Variants in PPP2R2B observed in about 807,000 individuals in gnomAD.
The protein encoded by PPP2R2B is protein phosphatase 2 regulatory subunit Bbeta.
PPP2R2B carries 5 observed loss-of-function variants against 46.0 expected under a neutral mutation model. The observed-to-expected ratio is 0.11, with a 90% CI of 0.06 to 0.23. The LOEUF is 0.23. PPP2R2B is among the 10% of genes least tolerant of loss of function. The pLI, the probability that PPP2R2B is intolerant of heterozygous loss-of-function variation, is 1.00. For synonymous variants in PPP2R2B, 215 were observed against 206.7 expected, an observed-to-expected ratio of 1.04 and a Z score of -0.34; for missense variants, 367 against 575.0, an observed-to-expected ratio of 0.64 and a Z score of 3.70.
At chr5:146,650,430 G>T in intron 6 of PPP2R2B, 117 bp downstream of exon 6, 1 of 912,012 alleles carries the variant, frequency 1.1e-6, no homozygotes. Context: ...TTTAAAAGGG[G>T]CAAGTTCTCC....
intron 2 of PPP2R2B, among the ~76,000 whole-genome samples, chr5:146,722,652 G>A (rs1452700801): frequency 1.3e-5 from 2 of 152,180 alleles, no homozygotes; most frequent in African/African-American, 2.4e-5. Context: ...TCAGAGAAAT[G>A]ACTGACAAGC....
intron 1 of PPP2R2B, among the ~76,000 whole-genome samples, chr5:146,967,232 C>A (rs62377576): frequency 0.026 from 3,946 of 152,236 alleles, 86 homozygotes; most frequent in Non-Finnish European, 0.042. Flanking sequence ...TTGGTTAAGC[C>A]TTTGTAAGAA....
rs1169914133 is a variant in PPP2R2B, at chr5:146,580,858, T to C, written c.*9089A>G. 6.6e-6 allele frequency among the ~76,000 whole-genome samples: 1 copy of C among 152,172 alleles called. No individual in the cohort carries two copies. The highest frequency in any genetic ancestry group is 1.5e-5 in the Non-Finnish European group (1 of 68,032). ...CACCGTGGGATTCATTTGAGAACAA[T>C]GGAGTTAATGAATCAACCCCGTGCT... On this transcript the variant is annotated 3_prime_UTR_variant, in exon 10 of 10. Transcript: ENST00000394411.
In PPP2R2B at chr5:146,691,212, G is replaced by T; in HGVS notation, c.363C>A (p.Ser121Arg). ...AGCCTTCTGGCCTCTTATCACGCTC[G>T]CTGACTTTCCACAGCTTCACAGTTT... ...NDKTVKLWKV[S>R]ERDKRPEGYN... The change falls in exon 5 of 10, where the codon AGC (serine) becomes AGA (arginine). Residue 121 changes from serine (S) to arginine (R), a missense_variant. Around this residue, in one of 2 missense-constraint regions of PPP2R2B, gnomAD observed 361 missense variants for 545.5 expected, o/e 0.66. Coordinates refer to ENST00000394411, the MANE Select transcript of PPP2R2B (RefSeq NM_181675.4). The T allele has an allele frequency of 1.2e-6, 2 of 1,614,014 alleles. No individual in the cohort carries two copies. The highest frequency in any genetic ancestry group is 1.7e-6 in the Non-Finnish European group (2 of 1,180,010).
intron 2 of PPP2R2B, among the ~76,000 whole-genome samples, chr5:146,853,594 G>C (rs188326356): frequency 2.0e-5 from 3 of 152,098 alleles, no homozygotes; most frequent in African/African-American, 4.8e-5. Flanking sequence ...CCCTAATTGA[G>C]TAACTAATGC....
At chr5:146,767,404 T>C (rs1240537219) in intron 2 of PPP2R2B, among the ~76,000 whole-genome samples, 7 of 152,132 alleles carry the variant, frequency 4.6e-5, no homozygotes, top group Non-Finnish European at 1.0e-4. Flanking sequence ...ACTCTGCAGC[T>C]GGTTCTTCCG....
intron 1 of PPP2R2B, among the ~76,000 whole-genome samples, chr5:147,000,824 T>A (rs1052242820): frequency 2.0e-5 from 3 of 152,156 alleles, no homozygotes; most frequent in African/African-American, 7.2e-5. Flanking sequence ...AATCATCTCC[T>A]GAGGGATTTC....
intron 2 of PPP2R2B, among the ~76,000 whole-genome samples, chr5:146,701,520 A>G (rs1779536372): frequency 6.6e-6 from 1 of 152,210 alleles, no homozygotes; most frequent in Admixed American, 6.5e-5. Flanking sequence ...TTCCCCACAC[A>G]GGCTTCAGTT....
intron 1 of PPP2R2B, among the ~76,000 whole-genome samples, chr5:146,989,420 C>A (rs1753584318): frequency 6.6e-6 from 1 of 152,042 alleles, no homozygotes; most frequent in Admixed American, 6.6e-5. Flanking sequence ...AGGATTCATT[C>A]CAGGGATGCA....
In PPP2R2B at chr5:146,963,918, C is replaced by A. The variant is rs369444491; in HGVS notation, c.79+91747G>T. ...AAAAAGAACAATTGTAACAGCTTGA[C>A]CTTTCAGGTCTCATTCAGAAGGTTC... On this transcript the variant is annotated intron_variant, in intron 1 of 8. Transcript: ENST00000336640. Among the ~76,000 whole-genome samples the A allele has an allele frequency of 5.1e-4, 77 of 152,296 alleles. 1 individual carries two copies. Among genetic ancestry groups the A allele is most frequent in the African/African-American group, 1.7e-3 (72 of 41,558 alleles).
chr5:146,888,607 C>T (rs1276158880), intron 1 of PPP2R2B, among the ~76,000 whole-genome samples: 2 of 152,156 alleles, frequency 1.3e-5, no homozygotes, highest in Admixed American at 6.5e-5. Context: ...CTTTTATTGG[C>T]TTCCTACACA....
chr5:146,880,882 T>C (rs370141696), upstream of PPP2R2B, among the ~76,000 whole-genome samples: 3 of 152,214 alleles, frequency 2.0e-5, no homozygotes, highest in African/African-American at 7.2e-5. Flanking sequence ...TAGGTCTCCA[T>C]TGTTTAAGTA....
intron 2 of PPP2R2B, among the ~76,000 whole-genome samples, chr5:146,716,943 T>C (rs1165920036): frequency 6.6e-6 from 1 of 152,222 alleles, no homozygotes; most frequent in Non-Finnish European, 1.5e-5. Context: ...TATTTATTTC[T>C]TTAGTAGAAA....
Position 146,961,651 on chromosome 5 carries a change from T to C in PPP2R2B, c.79+94014A>G, listed in dbSNP as rs549622779. Among the ~76,000 whole-genome samples, 12 of 152,310 alleles carry C rather than the reference T, an allele frequency of 7.9e-5. 1 individual carries two copies. Among genetic ancestry groups the C allele is most frequent in the African/African-American group, 2.9e-4 (12 of 41,564 alleles). ...TATTTGTTTGGTGATGCCTTTTATA[T>C]GTTAAGAGTATTAACCCATTGAAAA... On this transcript the variant is annotated intron_variant, in intron 1 of 8. Coordinates refer to the PPP2R2B transcript ENST00000336640.
At chr5:146,961,225 T>G (rs1208387143) in intron 1 of PPP2R2B, among the ~76,000 whole-genome samples, 1 of 152,184 alleles carries the variant, frequency 6.6e-6, no homozygotes, top group African/African-American at 2.4e-5. Context: ...ATTGTCCCGA[T>G]AACAGCAACA....
intron 1 of PPP2R2B, among the ~76,000 whole-genome samples, chr5:147,033,394 A>G (rs190648001): frequency 1.2e-3 from 184 of 152,358 alleles, no homozygotes; most frequent in Non-Finnish European, 2.4e-3. Flanking sequence ...CCATTAGAAC[A>G]TAAGTTGCAT....
chr5:146,905,813 T>C (rs1483839361), intron 1 of PPP2R2B, among the ~76,000 whole-genome samples: 1 of 152,218 alleles, frequency 6.6e-6, no homozygotes, highest in Non-Finnish European at 1.5e-5. Context: ...AAATGGCAGA[T>C]CATTGGTTGC....
At chr5:147,081,062 C>T (rs183660844) in exon 2 of PPP2R2B, 24 of 1,535,164 alleles carry the variant, frequency 1.6e-5, no homozygotes, top group Admixed American at 2.0e-5. Flanking sequence ...CTCCTACCTT[C>T]TGTGGTTCCA....
intron 1 of PPP2R2B, chr5:147,054,774 T>C: frequency 2.3e-6 from 1 of 444,324 alleles, no homozygotes; most frequent in Non-Finnish European, 4.5e-6. Flanking sequence ...CTCAACCCTT[T>C]TCAATCAAAT....
Sources: allele counts gnomAD v4.1 joint callset (sites outside exome capture counted in the v4.1 genomes callset), GRCh38; gene constraint gnomAD v4.1.1; regional missense constraint gnomAD v4.1.1; transcripts MANE v1.5; gene names NCBI Gene and HGNC (gene_info 2026-07-23, HGNC 2026-07-21).